Variants in FTO observed in about 807,000 individuals in gnomAD.
The protein encoded by FTO is alpha-ketoglutarate-dependent dioxygenase FTO.
In FTO, 47 loss-of-function variants were observed where a neutral mutation model predicts 63.9. The observed-to-expected ratio is 0.74, with a 90% CI of 0.58 to 0.94. The LOEUF is 0.94. Ranked by LOEUF, FTO falls within the 40% of genes least tolerant of loss-of-function variation. The pLI, the probability that FTO is intolerant of heterozygous loss-of-function variation, is 0.00. For synonymous variants in FTO, 207 were observed against 224.4 expected, an observed-to-expected ratio of 0.92 and a Z score of 0.69; for missense variants, 562 against 618.1, an observed-to-expected ratio of 0.91 and a Z score of 0.96.
At chr16:53,996,762 G>A (rs1017395631) in intron 8 of FTO, among the ~76,000 whole-genome samples, 1 of 152,022 alleles carries the variant, frequency 6.6e-6, no homozygotes, top group Admixed American at 6.6e-5. Context: ...TTCTTCACAT[G>A]GTGGCAGCAA....
At chr16:53,786,407 A>C (rs2077741022) in intron 1 of FTO, among the ~76,000 whole-genome samples, 1 of 152,184 alleles carries the variant, frequency 6.6e-6, no homozygotes, top group Non-Finnish European at 1.5e-5. Flanking sequence ...ATGGCAACAC[A>C]CACTCTGTAT....
At chr16:53,738,900 G>T (rs2076456584) in intron 1 of FTO, among the ~76,000 whole-genome samples, 1 of 152,038 alleles carries the variant, frequency 6.6e-6, no homozygotes, top group Admixed American at 6.6e-5. Flanking sequence ...GAGTGCAGTG[G>T]CAAGATCATG....
At chr16:54,078,781 C>A (rs1453335726) in intron 8 of FTO, among the ~76,000 whole-genome samples, 1 of 152,008 alleles carries the variant, frequency 6.6e-6, no homozygotes, top group Non-Finnish European at 1.5e-5. Context: ...ACAGAAAGGC[C>A]AGGTATGGTG....
At position 53,784,704 on chromosome 16, in the gene FTO, G is replaced by C. The variant is rs184094617; in HGVS notation, c.46-25436G>C. Among the ~76,000 whole-genome samples, 192 of 152,036 alleles carry C rather than the reference G, an allele frequency of 1.3e-3. 2 individuals are homozygous for C. The highest frequency in any genetic ancestry group is 0.011 in the Admixed American group (160 of 15,224). On this transcript the variant is annotated intron_variant, in intron 1 of 8. Transcript: ENST00000471389. ...AATCTAACAGGTAATTGCCAAGTAG[G>C]TTTCATTACCAGTCATTGCATAGAT...
At chr16:54,079,849 C>G (rs1303920586) in intron 8 of FTO, among the ~76,000 whole-genome samples, 1 of 152,112 alleles carries the variant, frequency 6.6e-6, no homozygotes, top group Non-Finnish European at 1.5e-5. Context: ...AAAATCTGGA[C>G]TTTTTATTAA....
intron 5 of FTO, among the ~76,000 whole-genome samples, chr16:53,877,985 C>A (rs1201719071): frequency 6.6e-6 from 1 of 152,142 alleles, no homozygotes; most frequent in Non-Finnish European, 1.5e-5. Context: ...GGGAAACTTT[C>A]TAGATAGAAG....
chr16:53,718,766 A>C (rs973730874), intron 1 of FTO, among the ~76,000 whole-genome samples: 1 of 152,124 alleles, frequency 6.6e-6, no homozygotes, highest in African/African-American at 2.4e-5. Context: ...AATTTATTAG[A>C]CTTTCTAATA....
intron 8 of FTO, 59 bp downstream of exon 8, chr16:53,934,168 C>T: frequency 6.3e-7 from 1 of 1,592,190 alleles, no homozygotes; most frequent in South Asian, 1.1e-5. Flanking sequence ...TATATTTGGC[C>T]AAGCCCTTCC....
In FTO at chr16:53,793,634, C is replaced by A. The variant is rs532955653; in HGVS notation, c.46-16506C>A. Among the ~76,000 whole-genome samples the A allele has an allele frequency of 2.5e-4, 38 of 152,226 alleles. No homozygotes were observed. The South Asian group carries it at 6.6e-3, about 27-fold the overall frequency. ...CTTGAATCAAGAGAAGTGAACTCTG[C>A]TAGGGACTAAGTACTTTGTTAGAAA... On this transcript the variant is annotated intron_variant, in intron 1 of 8. Transcript: ENST00000471389.
chr16:53,711,115 C>T (rs555029040), intron 1 of FTO, among the ~76,000 whole-genome samples: 2 of 152,098 alleles, frequency 1.3e-5, no homozygotes, highest in East Asian at 3.9e-4. Context: ...ATCATCACCA[C>T]CACCTTCACT....
chr16:53,767,807 C>T (rs913018653), intron 1 of FTO, among the ~76,000 whole-genome samples: 1 of 152,064 alleles, frequency 6.6e-6, no homozygotes, highest in Non-Finnish European at 1.5e-5. Flanking sequence ...ATTCACCGGC[C>T]TGAAGTATAG....
intron 8 of FTO, among the ~76,000 whole-genome samples, chr16:53,965,175 G>A (rs1023414058): frequency 1.7e-4 from 26 of 152,276 alleles, no homozygotes; most frequent in African/African-American, 5.3e-4. Context: ...CTGGGTTCAA[G>A]CGATTCTCCT....
chr16:53,824,566 C>T (rs553399484), intron 2 of FTO, among the ~76,000 whole-genome samples: 2 of 151,954 alleles, frequency 1.3e-5, no homozygotes, highest in South Asian at 2.1e-4. Context: ...GAACAGGGAC[C>T]TTGTTTCCAT....
At chr16:53,785,257 T>C (rs9936385) in intron 1 of FTO, among the ~76,000 whole-genome samples, 62,054 of 152,018 alleles carry the variant, frequency 0.41, 13,100 homozygotes, top group African/African-American at 0.48. Context: ...TTTTTTGCCT[T>C]CTTGGTTCAC....
chr16:54,080,406 G>T (rs970262274), intron 8 of FTO, among the ~76,000 whole-genome samples: 5 of 152,136 alleles, frequency 3.3e-5, no homozygotes, highest in Non-Finnish European at 7.4e-5. Flanking sequence ...TCACGATCTC[G>T]TTGAGTCCTT....
intron 8 of FTO, among the ~76,000 whole-genome samples, chr16:54,097,531 T>C (rs1456231779): frequency 1.3e-5 from 2 of 152,306 alleles, no homozygotes; most frequent in East Asian, 3.9e-4. Flanking sequence ...CTTATCACTG[T>C]TATTAACTTG....
In FTO at chr16:53,881,669, C is replaced by T. The variant is rs528087964; in HGVS notation, c.1119+1682C>T. On this transcript the variant is annotated intron_variant, in intron 6 of 8. Transcript: ENST00000471389. Reference sequence around the variant, plus strand: ...GTCTGGATCCCATGGGTCAAAGTTTCGCAAACTCTACTTTTCCCACTAATA... The same window carrying T: ...GTCTGGATCCCATGGGTCAAAGTTTTGCAAACTCTACTTTTCCCACTAATA... 2.2e-4 allele frequency among the ~76,000 whole-genome samples: 33 copies of T among 152,306 alleles called. No homozygotes were observed. The South Asian group carries it at 3.7e-3, about 17-fold the overall frequency.
At chr16:53,931,125 C>T (rs2082270782) in intron 7 of FTO, among the ~76,000 whole-genome samples, 1 of 151,858 alleles carries the variant, frequency 6.6e-6, no homozygotes, top group Admixed American at 6.6e-5. Flanking sequence ...ATATGAAAGG[C>T]AAGGAAGAGG....
chr16:54,034,537 C>T (rs2084901991), intron 8 of FTO, among the ~76,000 whole-genome samples: 1 of 152,200 alleles, frequency 6.6e-6, no homozygotes, highest in East Asian at 1.9e-4. Context: ...ATTCTGTGTA[C>T]AGTAGTGTGT....
Sources: allele counts gnomAD v4.1 joint callset (sites outside exome capture counted in the v4.1 genomes callset), GRCh38; gene constraint gnomAD v4.1.1; transcripts MANE v1.5; gene names NCBI Gene and HGNC (gene_info 2026-07-23, HGNC 2026-07-21).